Variants in NKAIN2 observed in about 807,000 individuals in gnomAD.
NKAIN2 encodes sodium/potassium transporting ATPase interacting 2, also known as sodium/potassium-transporting ATPase subunit beta-1-interacting protein 2.
A neutral mutation model predicts 32.6 loss-of-function variants in NKAIN2; 14 were observed. The ratio of observed to expected loss-of-function variants is 0.43; its 90% CI spans 0.28 to 0.67. NKAIN2 has a LOEUF of 0.67. NKAIN2 is among the 30% of genes least tolerant of loss of function. The pLI, the probability that NKAIN2 is intolerant of heterozygous loss-of-function variation, is 0.17. For synonymous variants in NKAIN2, 80 were observed against 87.2 expected (o/e 0.92, Z 0.46); for missense variants, 198 against 258.3 (o/e 0.77, Z 1.60).
At chr6:124,169,642 G>A (rs79678373) in intron 1 of NKAIN2, among the ~76,000 whole-genome samples, 1,881 of 152,226 alleles carry the variant, frequency 0.012, 41 homozygotes, top group African/African-American at 0.043. Flanking sequence ...TCATTGGCCT[G>A]CCTTGCTCCT....
At chr6:124,562,167 A>T (rs1481483863) in intron 3 of NKAIN2, among the ~76,000 whole-genome samples, 1 of 152,248 alleles carries the variant, frequency 6.6e-6, no homozygotes, top group East Asian at 1.9e-4. Context: ...TTGAAAATTC[A>T]TATAATACTG....
chr6:124,712,525 C>A lies in NKAIN2; in HGVS notation c.474+54139C>A, dbSNP rs1170861849. On this transcript the variant is annotated intron_variant, in intron 4 of 6. Transcript: ENST00000368417. ...GTGCAGGATATAATCTGGTGGTGTG[C>A]CGTTTTTTAAGCCCGTCGGAAAAGC... Among the ~76,000 whole-genome samples the A allele has an allele frequency of 1.7e-5, 2 of 115,236 alleles. 1 individual carries two copies. The highest frequency in any genetic ancestry group is 3.7e-5 in the Non-Finnish European group (2 of 54,488). The allele number at this position is 115,236 out of a possible 152,430, so 75.6% of individuals were successfully genotyped here.
intron 3 of NKAIN2, among the ~76,000 whole-genome samples, chr6:124,412,885 C>A (rs1336867497): frequency 6.6e-6 from 1 of 152,208 alleles, no homozygotes; most frequent in Non-Finnish European, 1.5e-5. Context: ...GGGCGCCCCT[C>A]CCCGAGCCTC....
intron 1 of NKAIN2, among the ~76,000 whole-genome samples, chr6:124,231,476 G>T (rs773824496): frequency 6.6e-6 from 1 of 152,082 alleles, no homozygotes; most frequent in African/African-American, 2.4e-5. Context: ...ATATGGTTTG[G>T]TTCTGTGTCC....
chr6:124,570,621 T>C (rs112673285), intron 3 of NKAIN2, among the ~76,000 whole-genome samples: 17,069 of 152,146 alleles, frequency 0.11, 989 homozygotes, highest in East Asian at 0.18. Context: ...ATAATTGAGG[T>C]TCGAGAACCT....
At chr6:124,421,091 A>AG (rs1205666346) in intron 3 of NKAIN2, among the ~76,000 whole-genome samples, 2 of 149,882 alleles carry the variant, frequency 1.3e-5, no homozygotes, top group Middle Eastern at 3.2e-3. Flanking sequence ...AAAAAAAAAA[A>AG]AAACATGTTT....
chr6:124,064,291 C>G (rs1177273772), intron 1 of NKAIN2, among the ~76,000 whole-genome samples: 2 of 152,000 alleles, frequency 1.3e-5, no homozygotes, highest in Non-Finnish European at 2.9e-5. Flanking sequence ...ATTTTAAATA[C>G]TTTTCTTATT....
chr6:124,261,877 A>T, intron 1 of NKAIN2, among the ~76,000 whole-genome samples: 1 of 151,908 alleles, frequency 6.6e-6, no homozygotes, highest in East Asian at 1.9e-4. Flanking sequence ...AAAAAAAAAA[A>T]AAAAATTTTG....
At chr6:124,008,615 G>A (rs1048278546) in intron 1 of NKAIN2, among the ~76,000 whole-genome samples, 2 of 152,032 alleles carry the variant, frequency 1.3e-5, no homozygotes, top group African/African-American at 4.8e-5. Context: ...CAGGGACTTT[G>A]GCAACAGGTG....
chr6:123,826,880 A>C (rs1025666563), intron 1 of NKAIN2, among the ~76,000 whole-genome samples: 1 of 152,252 alleles, frequency 6.6e-6, no homozygotes, highest in African/African-American at 2.4e-5. Flanking sequence ...TTGCTAGATC[A>C]TATGGCATTT....
chr6:124,006,245 A>T (rs1780069972), intron 1 of NKAIN2, among the ~76,000 whole-genome samples: 1 of 152,200 alleles, frequency 6.6e-6, no homozygotes, highest in Non-Finnish European at 1.5e-5. Context: ...AAGCAACAAG[A>T]GCAAGGTTTC....
chr6:124,684,999 T>C (rs1223452753), intron 4 of NKAIN2, among the ~76,000 whole-genome samples: 2 of 152,188 alleles, frequency 1.3e-5, no homozygotes. Flanking sequence ...ATTGATAAAG[T>C]CTTCCCTGAC....
intron 1 of NKAIN2, among the ~76,000 whole-genome samples, chr6:124,227,126 A>G (rs1792160806): frequency 6.7e-6 from 1 of 150,234 alleles, no homozygotes; most frequent in Admixed American, 6.7e-5. Context: ...CTCTGAATCT[A>G]GTGGCCTGAA....
At chr6:123,888,865 A>G (rs117011058) in intron 1 of NKAIN2, among the ~76,000 whole-genome samples, 76 of 152,168 alleles carry the variant, frequency 5.0e-4, no homozygotes, top group Non-Finnish European at 4.6e-4. Context: ...TTTTCTGTGT[A>G]TGTTTGAAAT....
intron 4 of NKAIN2, among the ~76,000 whole-genome samples, chr6:124,696,365 T>A (rs578146642): frequency 2.5e-4 from 38 of 152,218 alleles, no homozygotes; most frequent in South Asian, 1.9e-3. Flanking sequence ...GTACTCAGTA[T>A]GCCTAAGTGC....
chr6:124,436,343 G>T (rs554799826), intron 3 of NKAIN2, among the ~76,000 whole-genome samples: 1 of 152,238 alleles, frequency 6.6e-6, no homozygotes, highest in African/African-American at 2.4e-5. Flanking sequence ...CACCAGAAAT[G>T]AGGACTTTTC....
chr6:124,627,178 G>A (rs929780288), intron 3 of NKAIN2, among the ~76,000 whole-genome samples: 1 of 152,060 alleles, frequency 6.6e-6, no homozygotes, highest in Non-Finnish European at 1.5e-5. Context: ...GCTGAGGCAC[G>A]AGAATCACTT....
chr6:124,490,505 A>G (rs757345891), intron 3 of NKAIN2: 2 of 342,164 alleles, frequency 5.8e-6, no homozygotes, highest in Non-Finnish European at 1.1e-5. Context: ...TGAAAAATGC[A>G]TTTAAATACA....
chr6:124,557,019 C>T (rs180761847), intron 3 of NKAIN2, among the ~76,000 whole-genome samples: 118 of 152,290 alleles, frequency 7.7e-4, no homozygotes, highest in African/African-American at 2.6e-3. Flanking sequence ...TAAACCAATG[C>T]ATTAGTTAAT....
Sources: allele counts gnomAD v4.1 joint callset (sites outside exome capture counted in the v4.1 genomes callset), GRCh38; gene constraint gnomAD v4.1.1; transcripts MANE v1.5; gene names NCBI Gene and HGNC (gene_info 2026-07-23, HGNC 2026-07-21).